Variants in GRM5 observed in about 807,000 individuals in gnomAD.
GRM5 encodes the protein glutamate metabotropic receptor 5, also known as metabotropic glutamate receptor 5.
Under a neutral mutation model 83.1 loss-of-function variants are expected in GRM5, and 19 were observed. That is an observed-to-expected ratio of 0.23 (90% CI 0.16 to 0.34). GRM5 has a LOEUF of 0.34. GRM5 is among the 10% of genes least tolerant of loss of function. GRM5 has a pLI of 1.00. For missense variants in GRM5, 1,160 were observed against 1,588.3 expected, an observed-to-expected ratio of 0.73 and a Z score of 4.58; for synonymous variants, 675 against 633.6, an observed-to-expected ratio of 1.07 and a Z score of -0.98.
At chr11:88,821,344 C>CAAAAAAAAAAA (rs375051761) in intron 3 of GRM5, among the ~76,000 whole-genome samples, 3 of 68,174 alleles carry the variant, frequency 4.4e-5, no homozygotes, top group Admixed American at 1.8e-4. Context: ...CTTGAGGGGC[C>CAAAAAAAAAAA]AAAAAAAAAA....
At chr11:88,572,598 T>C (rs1381116124) in intron 7 of GRM5, among the ~76,000 whole-genome samples, 3 of 152,172 alleles carry the variant, frequency 2.0e-5, no homozygotes, top group Admixed American at 6.6e-5. Flanking sequence ...TGAAACAAGG[T>C]CTACCAAATC....
chr11:88,575,114 T>G (rs1295517581), intron 7 of GRM5, among the ~76,000 whole-genome samples: 1 of 152,076 alleles, frequency 6.6e-6, no homozygotes, highest in Non-Finnish European at 1.5e-5. Flanking sequence ...GCATGATTGC[T>G]TTCTCCAATA....
At chr11:88,659,818 G>A (rs1005350911) in intron 3 of GRM5, among the ~76,000 whole-genome samples, 5 of 152,150 alleles carry the variant, frequency 3.3e-5, no homozygotes, top group South Asian at 2.1e-4. Flanking sequence ...TTAGGGCAGC[G>A]ATGCCAAATA....
At chr11:89,021,276 A>G (rs1273738801) in intron 2 of GRM5, among the ~76,000 whole-genome samples, 2 of 152,174 alleles carry the variant, frequency 1.3e-5, no homozygotes, top group Non-Finnish European at 2.9e-5. Flanking sequence ...AGGAAGAAAT[A>G]AAAAAGAAAA....
At chr11:88,614,024 G>A (rs1938400904) in intron 4 of GRM5, among the ~76,000 whole-genome samples, 1 of 152,082 alleles carries the variant, frequency 6.6e-6, no homozygotes, top group Non-Finnish European at 1.5e-5. Flanking sequence ...AATCTCTGAG[G>A]CCACACTTAT....
intron 8 of GRM5, among the ~76,000 whole-genome samples, chr11:88,547,843 T>C (rs186552771): frequency 2.5e-4 from 38 of 152,302 alleles, no homozygotes; most frequent in Non-Finnish European, 1.9e-4. Flanking sequence ...AAGGCTATTG[T>C]ACAATGAAAT....
At chr11:88,993,128 T>C (rs1356990497) in intron 2 of GRM5, among the ~76,000 whole-genome samples, 1 of 151,754 alleles carries the variant, frequency 6.6e-6, no homozygotes, top group Non-Finnish European at 1.5e-5. Flanking sequence ...TAGCTGGGCA[T>C]CCTGGCGGGC....
intron 4 of GRM5, among the ~76,000 whole-genome samples, chr11:88,644,966 G>A (rs1165170664): frequency 6.6e-6 from 1 of 152,050 alleles, no homozygotes; most frequent in African/African-American, 2.4e-5. Flanking sequence ...GGGAGTGGTT[G>A]TTAAGGTAAA....
intron 2 of GRM5, among the ~76,000 whole-genome samples, chr11:88,911,013 A>G (rs1945488272): frequency 6.6e-6 from 1 of 152,160 alleles, no homozygotes; most frequent in Admixed American, 6.5e-5. Context: ...AATGCTCTAA[A>G]ATAACAAGCG....
intron 2 of GRM5, among the ~76,000 whole-genome samples, chr11:88,913,247 G>C (rs1419331900): frequency 2.6e-5 from 4 of 152,134 alleles, no homozygotes; most frequent in Non-Finnish European, 4.4e-5. Context: ...TCAGAGGCAT[G>C]ATTATATCCC....
At chr11:88,962,015 T>C (rs1938798882) in intron 2 of GRM5, among the ~76,000 whole-genome samples, 1 of 152,226 alleles carries the variant, frequency 6.6e-6, no homozygotes. Context: ...TTGCAAGGCA[T>C]TTATTATAAT....
At chr11:88,662,359 A>G (rs1939929978) in intron 3 of GRM5, among the ~76,000 whole-genome samples, 1 of 152,206 alleles carries the variant, frequency 6.6e-6, no homozygotes, top group African/African-American at 2.4e-5. Context: ...CAGTAATGAC[A>G]GCAGAGAACT....
At chr11:88,856,460 C>T (rs1022574843) in intron 2 of GRM5, among the ~76,000 whole-genome samples, 22 of 152,068 alleles carry the variant, frequency 1.4e-4, no homozygotes, top group Middle Eastern at 3.2e-3. Flanking sequence ...ATGCATGAAG[C>T]TGTCATCCCC....
intron 3 of GRM5, among the ~76,000 whole-genome samples, chr11:88,773,639 G>T (rs1347480073): frequency 6.6e-6 from 1 of 152,150 alleles, no homozygotes; most frequent in Non-Finnish European, 1.5e-5. Context: ...TAAGGTGTAA[G>T]GAAGGGATCC....
chr11:88,648,820 A>G (rs72639178), intron 4 of GRM5, among the ~76,000 whole-genome samples: 3,142 of 151,876 alleles, frequency 0.021, 87 homozygotes, highest in East Asian at 0.12. Flanking sequence ...AGAAAAGACT[A>G]CACAGAGAAT....
At chr11:88,792,385 A>G (rs922719836) in intron 3 of GRM5, among the ~76,000 whole-genome samples, 13 of 152,084 alleles carry the variant, frequency 8.5e-5, no homozygotes, top group African/African-American at 1.9e-4. Context: ...TTGGTGCCCA[A>G]TCTCTAAATA....
chr11:88,600,315 C>T (rs1051272123), intron 5 of GRM5, among the ~76,000 whole-genome samples: 2 of 145,184 alleles, frequency 1.4e-5, no homozygotes, highest in Non-Finnish European at 3.0e-5. Flanking sequence ...TCTCCCTCCC[C>T]TTCCCTCACC....
At chr11:88,932,500 G>T (rs1937749341) in intron 2 of GRM5, among the ~76,000 whole-genome samples, 1 of 151,786 alleles carries the variant, frequency 6.6e-6, no homozygotes, top group South Asian at 2.1e-4. Context: ...CTCATATATA[G>T]TGAGCACTTA....
chr11:88,890,627 G>A (rs1945128476), intron 2 of GRM5, among the ~76,000 whole-genome samples: 1 of 152,004 alleles, frequency 6.6e-6, no homozygotes. Flanking sequence ...CCAAATAGGT[G>A]GTCTAAATCG....
Sources: allele counts gnomAD v4.1 joint callset (sites outside exome capture counted in the v4.1 genomes callset), GRCh38; gene constraint gnomAD v4.1.1; transcripts MANE v1.5; gene names NCBI Gene and HGNC (gene_info 2026-07-23, HGNC 2026-07-21).